Variants in MTPN observed in about 807,000 individuals in gnomAD.
MTPN encodes granule cell differentiation protein.
A neutral mutation model predicts 13.5 loss-of-function variants in MTPN; 2 were observed. That is an observed-to-expected ratio of 0.15 (90% CI 0.06 to 0.47). The LOEUF (loss-of-function observed/expected upper bound fraction) is 0.47, where lower values mean the gene tolerates loss of function less well. Ranked by LOEUF, MTPN falls within the 20% of genes least tolerant of loss-of-function variation. The probability of loss-of-function intolerance (pLI) is 0.97; values close to 1 mark genes in which losing one functional copy is unlikely to be tolerated. For missense variants in MTPN, 79 were observed against 137.9 expected, an observed-to-expected ratio of 0.57 and a Z score of 2.14; for synonymous variants, 46 against 51.7, an observed-to-expected ratio of 0.89 and a Z score of 0.48.
intron 3 of MTPN, among the ~76,000 whole-genome samples, chr7:135,949,204 C>A (rs1799327637): frequency 6.6e-6 from 1 of 152,132 alleles, no homozygotes. Flanking sequence ...CTAACTAATA[C>A]AATATTGAAA....
chr7:135,930,041 A>G, intron 3 of MTPN, 29 bp from the exon 4 acceptor site: 2 of 1,484,318 alleles, frequency 1.3e-6, no homozygotes, highest in Non-Finnish European at 1.9e-6. Context: ...GGCTCATTAA[A>G]TGAGCCCACA....
chr7:135,932,209 A>G (rs1799034019), intron 3 of MTPN: 1 of 152,138 alleles, frequency 6.6e-6, no homozygotes, highest in South Asian at 2.1e-4. Flanking sequence ...TCTCTCCTAG[A>G]TTTTGAATCC....
At chr7:135,947,694 G>C (rs1799306577) in intron 3 of MTPN, among the ~76,000 whole-genome samples, 1 of 152,016 alleles carries the variant, frequency 6.6e-6, no homozygotes, top group Non-Finnish European at 1.5e-5. Flanking sequence ...ACAGGCTGCT[G>C]AATCCTACAT....
chr7:135,976,279 T>C (rs1184071985), intron 1 of MTPN, among the ~76,000 whole-genome samples: 4 of 152,214 alleles, frequency 2.6e-5, no homozygotes, highest in Non-Finnish European at 5.9e-5. Flanking sequence ...ACACTGCCAC[T>C]AAACTGCATT....
At chr7:135,931,467 A>G (rs1301904343) in intron 3 of MTPN, among the ~76,000 whole-genome samples, 1 of 152,074 alleles carries the variant, frequency 6.6e-6, no homozygotes, top group Non-Finnish European at 1.5e-5. Context: ...AATGATCACA[A>G]AGTCCTCCTC....
rs1798966202 is a variant in MTPN, at chr7:135,928,614, T to G, written c.*1312A>C. ...AATATTTTAAATGTAAGATATAAAA[T>G]TTAAGCTTATATATTTTAATTAGCT... On this transcript the variant is annotated 3_prime_UTR_variant, in exon 4 of 4. Coordinates refer to ENST00000393085, the MANE Select transcript of MTPN (RefSeq NM_145808.4). 1 of 167,008 alleles carries G rather than the reference T, an allele frequency of 6.0e-6. No homozygotes were observed. The highest frequency in any genetic ancestry group is 2.4e-5 in the African/African-American group (1 of 41,544). The allele number at this position is 167,008 out of a possible 1,614,324, so 10.3% of individuals were successfully genotyped here. A position where few individuals can be genotyped will look rare whatever the true frequency, so the allele number is the denominator to read the frequency against.
intron 3 of MTPN, among the ~76,000 whole-genome samples, chr7:135,933,616 G>C (rs991568193): frequency 6.6e-6 from 1 of 152,080 alleles, no homozygotes; most frequent in East Asian, 1.9e-4. Flanking sequence ...GTGGCACCTA[G>C]CAGACTAATA....
intron 1 of MTPN, among the ~76,000 whole-genome samples, chr7:135,959,144 T>A (rs1208341739): frequency 6.6e-6 from 1 of 152,208 alleles, no homozygotes; most frequent in Non-Finnish European, 1.5e-5. Context: ...GAACACACTA[T>A]GTATTCTTTC....
chr7:135,967,278 A>AT (rs1329963478), intron 1 of MTPN, among the ~76,000 whole-genome samples: 23 of 152,202 alleles, frequency 1.5e-4, no homozygotes, highest in Admixed American at 1.4e-3. Context: ...AAAGTTCTAT[A>AT]TTAGATGTCA....
intron 3 of MTPN, among the ~76,000 whole-genome samples, chr7:135,947,808 CTAAG>C (rs1311005675): frequency 8.6e-5 from 13 of 151,344 alleles, no homozygotes; most frequent in Admixed American, 8.6e-4. Flanking sequence ...ATAATAATAC[CTAAG>C]TATTTGGGTT....
At chr7:135,969,301 A>G (rs1799657518) in intron 1 of MTPN, among the ~76,000 whole-genome samples, 1 of 151,496 alleles carries the variant, frequency 6.6e-6, no homozygotes, top group African/African-American at 2.4e-5. Flanking sequence ...ATTAAACAAA[A>G]TAATATTTAC....
chr7:135,950,517 C>G (rs1021754803), intron 3 of MTPN, 82 bp downstream of exon 3: 2 of 1,173,824 alleles, frequency 1.7e-6, no homozygotes, highest in Non-Finnish European at 2.5e-6. Context: ...TGCTGCCACA[C>G]AAAATTCAAA....
rs141108599 is a variant in MTPN at position 135,931,666 on chromosome 7, C to T, written c.271-1654G>A. ...TATTTCTTATTCATTTTGATGGCTA[C>T]TTTTATGACTAGCATTATCAACTAT... On this transcript the variant is annotated intron_variant, in intron 3 of 3. Coordinates refer to ENST00000393085, the MANE Select transcript of MTPN (RefSeq NM_145808.4). 3.2e-3 allele frequency among the ~76,000 whole-genome samples: 494 copies of T among 152,160 alleles called. 3 individuals are homozygous for T. The highest frequency in any genetic ancestry group is 0.012 in the African/African-American group (485 of 41,526).
rs1337688286 is a variant in MTPN at position 135,977,236 on chromosome 7, G to T, written c.-136C>A. On this transcript the variant is annotated 5_prime_UTR_variant, in exon 1 of 4. Transcript: ENST00000393085. ...AGAAGAAGAGAAGGAGGGTTAGGCT[G>T]CCAGGCGGGCGAGGCAGTTGGCCGC... 4.6e-6 allele frequency: 4 copies of T among 864,676 alleles called. No individual in the cohort carries two copies. The highest frequency in any genetic ancestry group is 1.7e-5 in the African/African-American group (1 of 60,014). The allele number at this position is 864,676 out of a possible 1,614,324, so 53.6% of individuals were successfully genotyped here.
intron 3 of MTPN, among the ~76,000 whole-genome samples, chr7:135,942,390 C>T (rs1177983946): frequency 6.6e-6 from 1 of 152,136 alleles, no homozygotes; most frequent in Non-Finnish European, 1.5e-5. Context: ...GGCATTTCAG[C>T]GAGTGGCTTA....
In MTPN at chr7:135,951,596, C is replaced by T; in HGVS notation, c.107G>A (p.Arg36Lys). 6.2e-7 allele frequency: 1 copy of T among 1,613,258 alleles called. No homozygotes were observed. Among genetic ancestry groups the T allele is most frequent in the Non-Finnish European group, 8.5e-7 (1 of 1,179,512 alleles). Residue 36 changes from arginine (R) to lysine (K), a missense_variant, in exon 2 of 4, where the codon AGG (arginine) becomes AAG (lysine). Physicochemically the swap from Arg to Lys is conservative, Grantham distance 26 (BLOSUM62 2). Transcript: ENST00000393085. Reference sequence around the variant, plus strand: ...ATCTGCTGCATAATGAAGAGGTTTCCTTCCACCTTCTAGTGTCCGGTTGAC... The same window carrying T: ...ATCTGCTGCATAATGAAGAGGTTTCTTTCCACCTTCTAGTGTCCGGTTGAC... ...EDVNRTLEGG[R>K]KPLHYAADCG...
At chr7:135,968,663 T>C (rs1007600384) in intron 1 of MTPN, among the ~76,000 whole-genome samples, 2 of 150,914 alleles carry the variant, frequency 1.3e-5, no homozygotes, top group Admixed American at 6.6e-5. Flanking sequence ...CCTCCTAAGA[T>C]GATTCATAAA....
At chr7:135,955,133 A>C (rs1799423106) in intron 1 of MTPN, among the ~76,000 whole-genome samples, 1 of 152,180 alleles carries the variant, frequency 6.6e-6, no homozygotes, top group Non-Finnish European at 1.5e-5. Flanking sequence ...AATCCTTGTC[A>C]GCAGGGCCTT....
chr7:135,938,094 C>T (rs1416095494), intron 3 of MTPN, among the ~76,000 whole-genome samples: 1 of 152,040 alleles, frequency 6.6e-6, no homozygotes, highest in Non-Finnish European at 1.5e-5. Flanking sequence ...CAAGGGTCAC[C>T]CAGTTGTTAT....
Sources: allele counts gnomAD v4.1 joint callset (sites outside exome capture counted in the v4.1 genomes callset), GRCh38; gene constraint gnomAD v4.1.1; transcripts MANE v1.5; gene names NCBI Gene and HGNC (gene_info 2026-07-23, HGNC 2026-07-21).